TMEM223: variants seen among roughly 807,000 people sequenced by gnomAD.
TMEM223 encodes transmembrane protein 223.
TMEM223 carries 14 observed loss-of-function variants against 14.1 expected under a neutral mutation model. That is an observed-to-expected ratio of 0.99 (90% confidence interval 0.66 to 1.55). The LOEUF (loss-of-function observed/expected upper bound fraction) is 1.55. Among genes scored for constraint, TMEM223 ranks in the 40% most tolerant of loss-of-function variants. The probability of loss-of-function intolerance (pLI) is 0.00; values close to 1 mark genes in which losing one functional copy is unlikely to be tolerated. For missense variants in TMEM223, 346 were observed against 269.9 expected, an observed-to-expected ratio of 1.28 and a Z score of -1.97; for synonymous variants, 145 against 120.5, an observed-to-expected ratio of 1.20 and a Z score of -1.33.
At chr11:62,786,331 T>C (rs374737675), downstream of TMEM223, 449 of 1,614,214 alleles carry the variant, frequency 2.8e-4, 1 homozygote, top group Non-Finnish European at 3.5e-4. Flanking sequence ...TGGATGATTA[T>C]TCAGTATCTA....
In TMEM223 at chr11:62,782,151, G is replaced by A. The variant is rs776557301; in HGVS notation, c.315-7486C>T. The A allele has an allele frequency of 2.4e-5, 39 of 1,613,168 alleles. No individual in the cohort carries two copies. The Middle Eastern group carries it at 9.9e-4, about 41-fold the overall frequency. On this transcript the variant is annotated intron_variant, in intron 1 of 2. Coordinates refer to the TMEM223 transcript ENST00000528367. Reference sequence around the variant, plus strand: ...GCCATGACCTGGAGCAACTGCACCGGCTGCTGCAGGTGGCACGGAGCCTAT... The same window carrying A: ...GCCATGACCTGGAGCAACTGCACCGACTGCTGCAGGTGGCACGGAGCCTAT...
intron 2 of TMEM223, among the ~76,000 whole-genome samples, chr11:62,773,902 G>A (rs2084167315): frequency 6.6e-6 from 1 of 152,132 alleles, no homozygotes; most frequent in Non-Finnish European, 1.5e-5. Context: ...GGAGGAGAGA[G>A]TTCCAAGTGG....
downstream of TMEM223, chr11:62,787,420 G>A (rs1226607562): frequency 1.9e-6 from 3 of 1,558,386 alleles, no homozygotes; most frequent in South Asian, 1.2e-5. Flanking sequence ...GCTTCCTGGT[G>A]GTCAGGGCGC....
In TMEM223 at chr11:62,791,807, G is replaced by A. The variant is rs1004925307; in HGVS notation, c.188C>T (p.Ala63Val). 9 of 1,580,580 alleles carry A rather than the reference G, an allele frequency of 5.7e-6. No homozygotes were observed. In the African/African-American group the frequency reaches 1.2e-4, roughly 21 times the overall value. The change falls in exon 1 of 2, where the codon GCT (alanine) becomes GTT (valine). Residue 63 changes from alanine to valine, a missense_variant. Physicochemically the swap from Ala to Val is moderately conservative, Grantham distance 64. Transcript: ENST00000307366. The stretch of plus-strand genomic sequence containing the variant: ...CGGGGGCCGGGACACGGCTGCCACA[G>A]CCATGGAAGCCCAGAAGACGCCCTG... Reference protein sequence around the residue: ...AGQGVFWASMAVAAVSRPPVP... With the variant: ...AGQGVFWASMVVAAVSRPPVP...
chr11:62,778,455 C>T, intron 1 of TMEM223: 2 of 1,267,198 alleles, frequency 1.6e-6, no homozygotes, highest in Non-Finnish European at 2.3e-6. Context: ...CTGCCTTGTG[C>T]CATGGTCTGA....
downstream of TMEM223, chr11:62,787,610 C>A (rs2084302441): frequency 7.0e-7 from 1 of 1,424,820 alleles, no homozygotes; most frequent in Non-Finnish European, 9.2e-7. Context: ...TCCGACCGGG[C>A]TTGCTGCTGC....
chr11:62,789,129 G>C (rs751060822), downstream of TMEM223: 3 of 1,614,136 alleles, frequency 1.9e-6, no homozygotes, highest in Admixed American at 3.3e-5. Context: ...TTTGTAGCTG[G>C]GGCCTCTGGC....
intron 2 of TMEM223, among the ~76,000 whole-genome samples, chr11:62,772,821 G>T (rs1360359610): frequency 6.8e-6 from 1 of 147,672 alleles, no homozygotes; most frequent in Non-Finnish European, 1.5e-5. Flanking sequence ...AAAAAAAAAA[G>T]AATAGTTCTT....
intron 2 of TMEM223, chr11:62,772,171 T>C: frequency 2.2e-6 from 1 of 456,184 alleles, no homozygotes; most frequent in South Asian, 1.5e-5. Context: ...ATCTTATTAT[T>C]GAGAATATAG....
intron 1 of TMEM223, among the ~76,000 whole-genome samples, chr11:62,780,967 G>C (rs1215825785): frequency 6.8e-6 from 1 of 146,412 alleles, no homozygotes; most frequent in Non-Finnish European, 1.5e-5. Flanking sequence ...CGGGCACGGT[G>C]GCTAACGCCT....
chr11:62,775,253 A>C (rs911368869), intron 1 of TMEM223, among the ~76,000 whole-genome samples: 4 of 152,098 alleles, frequency 2.6e-5, no homozygotes, highest in African/African-American at 9.7e-5. Context: ...AAACCATTAG[A>C]TCTTTTGAGA....
chr11:62,787,194 C>A (rs367718582), downstream of TMEM223: 230 of 1,588,828 alleles, frequency 1.4e-4, no homozygotes, highest in African/African-American at 3.0e-3. Flanking sequence ...ACGGGCCTAG[C>A]CCGGCCTCGC....
At chr11:62,781,717 A>G (rs1400698283) in intron 1 of TMEM223, 4 of 601,270 alleles carry the variant, frequency 6.7e-6, no homozygotes, top group Non-Finnish European at 1.2e-5. Context: ...ATATGCAGGT[A>G]TATGTGAATG....
chr11:62,772,314 G>A (rs542383011), intron 2 of TMEM223, among the ~76,000 whole-genome samples: 3 of 151,982 alleles, frequency 2.0e-5, no homozygotes, highest in Admixed American at 6.6e-5. Flanking sequence ...CTGAGCTCAG[G>A]AGTTCGAGGC....
At chr11:62,785,048 G>T (rs2084260017), downstream of TMEM223, among the ~76,000 whole-genome samples, 1 of 151,878 alleles carries the variant, frequency 6.6e-6, no homozygotes, top group Admixed American at 6.6e-5. Context: ...TTCCTACATT[G>T]CCCAGGCTGG....
At chr11:62,774,743 G>C in intron 1 of TMEM223, 4 of 442,586 alleles carry the variant, frequency 9.0e-6, no homozygotes, top group Non-Finnish European at 1.8e-5. Context: ...AGAAAGCCCA[G>C]CTACTATCCA....
downstream of TMEM223, chr11:62,789,087 T>A (rs749136998): frequency 7.4e-6 from 12 of 1,614,206 alleles, 1 homozygote; most frequent in South Asian, 1.1e-4. Flanking sequence ...TCCCTGGCCT[T>A]ATCCCGTCCC....
chr11:62,779,972 A>ATTTTTTT (rs1367245372), intron 1 of TMEM223, among the ~76,000 whole-genome samples: 5 of 61,474 alleles, frequency 8.1e-5, no homozygotes, highest in African/African-American at 2.5e-4. Context: ...ATATATATAT[A>ATTTTTTT]TATATTTTTT....
intron 1 of TMEM223, 86 bp from the exon 2 acceptor site, chr11:62,791,001 T>A (rs1027996146): frequency 7.2e-7 from 1 of 1,390,526 alleles, no homozygotes; most frequent in Admixed American, 2.9e-5. Context: ...ATAAGAAATT[T>A]GTGGGATGAA....
Sources: allele counts gnomAD v4.1 joint callset (sites outside exome capture counted in the v4.1 genomes callset), GRCh38; gene constraint gnomAD v4.1.1; transcripts MANE v1.5; gene names NCBI Gene and HGNC (gene_info 2026-07-23, HGNC 2026-07-21).